CELF2: variants seen among roughly 807,000 people sequenced by gnomAD.
The protein encoded by CELF2 is CUGBP Elav-like family member 2, also known as CUG triplet repeat RNA-binding protein 2.
A neutral mutation model predicts 62.6 loss-of-function variants in CELF2; 8 were observed. That is an observed-to-expected ratio of 0.13 (90% CI 0.07 to 0.23). The LOEUF is 0.23. CELF2 is among the 10% of genes least tolerant of loss of function. The pLI, the probability that CELF2 is intolerant of heterozygous loss-of-function variation, is 1.00. For synonymous variants in CELF2, 258 were observed against 250.0 expected, an observed-to-expected ratio of 1.03 and a Z score of -0.30; for missense variants, 333 against 671.0, an observed-to-expected ratio of 0.50 and a Z score of 5.56.
intron 1 of CELF2, among the ~76,000 whole-genome samples, chr10:11,029,267 A>G (rs1359818903): frequency 6.6e-6 from 1 of 152,100 alleles, no homozygotes; most frequent in African/African-American, 2.4e-5. Flanking sequence ...TGTCCTGGTT[A>G]TTTTGGTGGT....
the CELF2 span, among the ~76,000 whole-genome samples, chr10:10,480,066 C>G: frequency 1.3e-5 from 2 of 152,182 alleles, no homozygotes; most frequent in African/African-American, 4.8e-5. Context: ...ATTTATGAAT[C>G]TGACTTCAGC....
chr10:10,846,594 G>A (rs2059028428), intron 1 of CELF2, among the ~76,000 whole-genome samples: 1 of 152,180 alleles, frequency 6.6e-6, no homozygotes. Flanking sequence ...TAAATTGCAA[G>A]AGAAAGCAGT....
the CELF2 span, among the ~76,000 whole-genome samples, chr10:10,615,953 A>G: frequency 6.6e-6 from 1 of 152,214 alleles, no homozygotes; most frequent in South Asian, 2.1e-4. Context: ...ATACATTATC[A>G]AGAAAGCCTG....
chr10:10,818,859 T>A (rs2056726123), intron 1 of CELF2, among the ~76,000 whole-genome samples: 2 of 152,210 alleles, frequency 1.3e-5, no homozygotes, highest in Admixed American at 1.3e-4. Flanking sequence ...ATTACAGGCA[T>A]GAGCCACCAT....
At chr10:10,863,505 G>T (rs568446690) in intron 1 of CELF2, among the ~76,000 whole-genome samples, 4 of 152,202 alleles carry the variant, frequency 2.6e-5, no homozygotes, top group African/African-American at 7.2e-5. Context: ...TCTAAACCTT[G>T]GTTGTCTTAT....
chr10:10,850,172 G>T (rs899759085), intron 1 of CELF2, among the ~76,000 whole-genome samples: 1 of 151,726 alleles, frequency 6.6e-6, no homozygotes, highest in Non-Finnish European at 1.5e-5. Flanking sequence ...TTAAAAAATT[G>T]GCCAATATAA....
chr10:10,933,175 C>T (rs1051570909), intron 2 of CELF2, among the ~76,000 whole-genome samples: 10 of 151,612 alleles, frequency 6.6e-5, no homozygotes, highest in South Asian at 4.2e-4. Flanking sequence ...TGGTGGCACA[C>T]GGCTGTAGTC....
the CELF2 span, among the ~76,000 whole-genome samples, chr10:10,476,032 T>G: frequency 6.6e-6 from 1 of 152,020 alleles, no homozygotes; most frequent in African/African-American, 2.4e-5. Context: ...ACTGCTGGGT[T>G]TTTGTTCTCT....
chr10:11,232,437 A>G (rs112800215), intron 3 of CELF2, among the ~76,000 whole-genome samples: 13 of 151,868 alleles, frequency 8.6e-5, no homozygotes, highest in African/African-American at 2.9e-4. Flanking sequence ...TCTTGGGGGG[A>G]AAAAATAGAA....
chr10:10,524,524 A>C, the CELF2 span, among the ~76,000 whole-genome samples: 3 of 151,944 alleles, frequency 2.0e-5, no homozygotes, highest in East Asian at 3.9e-4. Context: ...AAAACAGCCA[A>C]GTGCATTGAA....
the CELF2 span, among the ~76,000 whole-genome samples, chr10:10,488,945 C>G: frequency 6.6e-6 from 1 of 152,082 alleles, no homozygotes; most frequent in Non-Finnish European, 1.5e-5. Context: ...CCCTCCTCTA[C>G]TGAAAGTGGC....
intron 1 of CELF2, among the ~76,000 whole-genome samples, chr10:11,136,349 T>C (rs1268116405): frequency 6.6e-6 from 1 of 152,176 alleles, no homozygotes; most frequent in Non-Finnish European, 1.5e-5. Context: ...ACACCTGTAA[T>C]CCCAGCACTC....
intron 1 of CELF2, among the ~76,000 whole-genome samples, chr10:11,097,020 A>G (rs1170053841): frequency 2.1e-4 from 32 of 152,168 alleles, no homozygotes; most frequent in Non-Finnish European, 1.5e-5. Context: ...AAACAATAGG[A>G]AACGAAGAGT....
the CELF2 span, among the ~76,000 whole-genome samples, chr10:10,565,531 C>A: frequency 1.3e-5 from 2 of 152,192 alleles, no homozygotes. Flanking sequence ...GTTGGATGAG[C>A]AACGCCGCTC....
intron 3 of CELF2, among the ~76,000 whole-genome samples, chr10:11,226,834 A>G (rs1235823839): frequency 6.6e-6 from 1 of 152,208 alleles, no homozygotes; most frequent in Non-Finnish European, 1.5e-5. Flanking sequence ...AAAGACAGTC[A>G]TCACTGTAAG....
rs77560485 is a variant in CELF2 at position 10,934,235 on chromosome 10, G to C, written c.89+14236G>C. ...GTTAAAAATAGAATTCAAAGAGCAC[G>C]TTAGCAAGGTTAATCTGATGGTAAT... On this transcript the variant is annotated intron_variant, in intron 2 of 13. Coordinates refer to the CELF2 transcript ENST00000636488. The surrounding 1 kb of genome is among the most constrained non-coding windows in gnomAD (Gnocchi z 4.4). Among the ~76,000 whole-genome samples the C allele has an allele frequency of 1.3e-5, 2 of 152,190 alleles. No homozygotes were observed. The highest frequency in any genetic ancestry group is 4.8e-5 in the African/African-American group (2 of 41,446).
chr10:11,126,849 C>G lies in CELF2; in HGVS notation c.75-38637C>G, dbSNP rs74915419. Among the ~76,000 whole-genome samples the G allele has an allele frequency of 7.4e-3, 1,119 of 151,356 alleles. 12 individuals are homozygous for G. Among genetic ancestry groups the G allele is most frequent in the African/African-American group, 0.026 (1,075 of 41,252 alleles). ...GGGGATATAGTTGCTCTTCAGCCAT[C>G]TGTGGTCATTCATACTTTTTTTTTT... On this transcript the variant is annotated intron_variant, in intron 1 of 12. Coordinates refer to ENST00000633077, the MANE Select transcript of CELF2 (RefSeq NM_001326342.2).
chr10:10,768,307 C>T, the CELF2 span, among the ~76,000 whole-genome samples: 4 of 152,084 alleles, frequency 2.6e-5, no homozygotes, highest in Admixed American at 6.6e-5. Flanking sequence ...ATCTCAGCAT[C>T]ACAAGCAAAG....
chr10:10,836,342 A>G (rs1318794883), intron 1 of CELF2, among the ~76,000 whole-genome samples: 2 of 152,188 alleles, frequency 1.3e-5, no homozygotes, highest in Non-Finnish European at 2.9e-5. Flanking sequence ...GGTGTTACGG[A>G]CACTGATAGA....
Sources: allele counts gnomAD v4.1 joint callset (sites outside exome capture counted in the v4.1 genomes callset), GRCh38; gene constraint gnomAD v4.1.1; non-coding constraint Gnocchi (gnomAD v3.1); transcripts MANE v1.5; gene names NCBI Gene and HGNC (gene_info 2026-07-23, HGNC 2026-07-21).